The following ARFIP1 variants were observed in gnomAD, a reference collection of about 807,000 sequenced individuals.
ARFIP1 encodes ARF interacting protein 1.
Under a neutral mutation model 42.5 loss-of-function variants are expected in ARFIP1, and 24 were observed. The ratio of observed to expected loss-of-function variants is 0.57; its 90% CI spans 0.41 to 0.80. The LOEUF is 0.80. ARFIP1 is among the 30% of genes least tolerant of loss of function. The pLI, the probability that ARFIP1 is intolerant of heterozygous loss-of-function variation, is 0.00. For synonymous variants in ARFIP1, 141 were observed against 153.7 expected, an observed-to-expected ratio of 0.92 and a Z score of 0.61; for missense variants, 354 against 434.0, an observed-to-expected ratio of 0.82 and a Z score of 1.64.
At chr4:152,790,728 C>CTTTTTTTTT (rs781615063) in intron 1 of ARFIP1, among the ~76,000 whole-genome samples, 1 of 106,082 alleles carries the variant, frequency 9.4e-6, no homozygotes, top group African/African-American at 3.8e-5. Context: ...ATGTGTTTAT[C>CTTTTTTTTT]TTTTTTTTTT....
At chr4:152,840,713 CTTTTT>C (rs764318893) in intron 2 of ARFIP1, among the ~76,000 whole-genome samples, 2 of 107,780 alleles carry the variant, frequency 1.9e-5, no homozygotes, top group Non-Finnish European at 1.8e-5. Flanking sequence ...GGCTCTGTAT[CTTTTT>C]TTTTTTTTTT....
chr4:152,836,945 C>T (rs1007809903), intron 2 of ARFIP1, among the ~76,000 whole-genome samples: 1 of 151,854 alleles, frequency 6.6e-6, no homozygotes, highest in African/African-American at 2.4e-5. Flanking sequence ...ACTCTTCCCC[C>T]CAAACCACTA....
At chr4:152,823,301 A>G (rs77747609) in intron 1 of ARFIP1, among the ~76,000 whole-genome samples, 4,872 of 149,244 alleles carry the variant, frequency 0.033, 111 homozygotes, top group Non-Finnish European at 0.053. Context: ...TCTAGAGGGA[A>G]TAGATACATT....
chr4:152,815,932 G>C (rs1729848192), intron 1 of ARFIP1, among the ~76,000 whole-genome samples: 1 of 151,700 alleles, frequency 6.6e-6, no homozygotes, highest in Non-Finnish European at 1.5e-5. Context: ...TTTTAGTAGA[G>C]ACGGGGTTTC....
intron 1 of ARFIP1, among the ~76,000 whole-genome samples, chr4:152,787,557 G>A (rs1044514507): frequency 3.9e-5 from 6 of 152,238 alleles, no homozygotes; most frequent in Admixed American, 2.0e-4. Flanking sequence ...TTGGTTATAC[G>A]TAGCATATAA....
At chr4:152,839,010 A>G (rs751195628) in intron 2 of ARFIP1, among the ~76,000 whole-genome samples, 4 of 152,126 alleles carry the variant, frequency 2.6e-5, no homozygotes, top group Non-Finnish European at 5.9e-5. Context: ...GATTTTGTCA[A>G]ATGCTTTTTC....
At chr4:152,849,623 A>G (rs976803642) in intron 2 of ARFIP1, among the ~76,000 whole-genome samples, 2 of 152,064 alleles carry the variant, frequency 1.3e-5, no homozygotes, top group Non-Finnish European at 2.9e-5. Flanking sequence ...TTGTTGAATG[A>G]ATGGGAGAGA....
chr4:152,860,724 A>G (rs1162857469), intron 2 of ARFIP1, among the ~76,000 whole-genome samples: 1 of 152,240 alleles, frequency 6.6e-6, no homozygotes, highest in Non-Finnish European at 1.5e-5. Context: ...ATTTCCAATA[A>G]TAAATTAGTC....
At chr4:152,853,698 G>C (rs1284103068) in intron 2 of ARFIP1, among the ~76,000 whole-genome samples, 1 of 152,034 alleles carries the variant, frequency 6.6e-6, no homozygotes, top group Non-Finnish European at 1.5e-5. Flanking sequence ...TAAATCTCTT[G>C]CTAGACTTGG....
intron 1 of ARFIP1, among the ~76,000 whole-genome samples, chr4:152,817,601 C>T (rs1399970222): frequency 6.6e-6 from 1 of 152,076 alleles, no homozygotes; most frequent in Non-Finnish European, 1.5e-5. Flanking sequence ...TAAAAATAGA[C>T]AAATTGGACT....
At chr4:152,904,488 C>T (rs1484526855) in intron 8 of ARFIP1, among the ~76,000 whole-genome samples, 1 of 152,044 alleles carries the variant, frequency 6.6e-6, no homozygotes, top group Non-Finnish European at 1.5e-5. Context: ...CCGCACCTGG[C>T]CCCATCACCT....
intron 2 of ARFIP1, among the ~76,000 whole-genome samples, chr4:152,855,092 C>T (rs1026898679): frequency 6.6e-6 from 1 of 152,182 alleles, no homozygotes; most frequent in African/African-American, 2.4e-5. Context: ...TTGGCAGTGG[C>T]TGTGATGGGC....
chr4:152,802,323 TTTCTTTTC>T (rs1378030175), intron 1 of ARFIP1, among the ~76,000 whole-genome samples: 3 of 146,470 alleles, frequency 2.0e-5, no homozygotes, highest in Non-Finnish European at 4.7e-5. Context: ...GCTTTGTGTC[TTTCTTTTC>T]TTCTTTCACT....
chr4:152,802,620 G>A (rs906910669), intron 1 of ARFIP1, among the ~76,000 whole-genome samples: 1 of 134,192 alleles, frequency 7.5e-6, no homozygotes, highest in Admixed American at 7.2e-5. Flanking sequence ...CAATGTAAAT[G>A]TGTTTTAGAA....
chr4:152,892,373 G>A (rs190478787), intron 8 of ARFIP1, among the ~76,000 whole-genome samples: 167 of 151,974 alleles, frequency 1.1e-3, no homozygotes, highest in Admixed American at 0.011. Context: ...CATGACTTTT[G>A]GAATATCTTT....
chr4:152,823,148 C>T (rs186171225), intron 1 of ARFIP1, among the ~76,000 whole-genome samples: 3 of 152,172 alleles, frequency 2.0e-5, no homozygotes, highest in African/African-American at 2.4e-5. Flanking sequence ...AAACTACTCG[C>T]TAGATGAACC....
chr4:152,815,426 C>T (rs1457387354), intron 1 of ARFIP1, among the ~76,000 whole-genome samples: 1 of 152,194 alleles, frequency 6.6e-6, no homozygotes, highest in African/African-American at 2.4e-5. Context: ...ACACTGATGT[C>T]TTCTAAATTT....
intron 1 of ARFIP1, among the ~76,000 whole-genome samples, chr4:152,820,948 C>T (rs1000704290): frequency 4.6e-5 from 7 of 152,268 alleles, no homozygotes; most frequent in African/African-American, 4.8e-5. Flanking sequence ...ATTTAAGTCA[C>T]ATGCTCAAGG....
chr4:152,898,255 T>G (rs1223147195), intron 8 of ARFIP1, among the ~76,000 whole-genome samples: 2 of 152,134 alleles, frequency 1.3e-5, no homozygotes, highest in Admixed American at 1.3e-4. Context: ...GTGCTGGGAT[T>G]ACAGGTGTGA....
Sources: allele counts gnomAD v4.1 joint callset (sites outside exome capture counted in the v4.1 genomes callset), GRCh38; gene constraint gnomAD v4.1.1; transcripts MANE v1.5; gene names NCBI Gene and HGNC (gene_info 2026-07-23, HGNC 2026-07-21).